SAP25: variants seen among roughly 807,000 people sequenced by gnomAD.
SAP25 encodes the protein histone deacetylase complex subunit SAP25.
Under a neutral mutation model 31.5 loss-of-function variants are expected in SAP25, and 24 were observed. The observed-to-expected ratio is 0.76, with a 90% CI of 0.55 to 1.07. The LOEUF is 1.07. Ranked by LOEUF, SAP25 falls within the 50% of genes least tolerant of loss-of-function variation. The pLI is 0.00. For synonymous variants in SAP25, 180 were observed against 186.0 expected (o/e 0.97, Z 0.26); for missense variants, 377 against 418.8 (o/e 0.90, Z 0.87).
At position 100,572,766 on chromosome 7, in the gene SAP25, C is replaced by A. The variant is rs1440253969; in HGVS notation, c.512-15G>T. ...CACCGGGAACCCTAGGAGGAAACAC[C>A]ACTAGGGTGGCGGGCTGCGGGCTCC... On this transcript the variant is annotated splice_polypyrimidine_tract_variant and intron_variant, in intron 4 of 5. Coordinates refer to ENST00000622764, the MANE Select transcript of SAP25 (RefSeq NM_001348680.2). This position sits in a 1 kb window ranked among gnomAD's most constrained non-coding sequence, Gnocchi z 4.1. The A allele has an allele frequency of 6.6e-7, 1 of 1,524,038 alleles. No homozygotes were observed. Among genetic ancestry groups the A allele is most frequent in the African/African-American group, 1.4e-5 (1 of 71,924 alleles). The allele number at this position is 1,524,038 out of a possible 1,614,324, so 94.4% of individuals were successfully genotyped here. A position where few individuals can be genotyped will look rare whatever the true frequency, so the allele number is the denominator to read the frequency against.
rs61052598 is a variant in SAP25 at position 100,573,575 on chromosome 7, C to A, written c.146+22G>T. ...GAGGCCCCCAGTCGCTGTCCCCCCACGGCTCCGTCCGAGCCCCTCACCTGT... is the reference window on the plus strand; with the variant it reads ...GAGGCCCCCAGTCGCTGTCCCCCCAAGGCTCCGTCCGAGCCCCTCACCTGT... On this transcript the variant is annotated intron_variant, in intron 1 of 5. Transcript: ENST00000622764. The A allele has an allele frequency of 1.4e-3, 1,732 of 1,234,196 alleles. 26 individuals carry two copies. The African/African-American group carries it at 0.025, about 18-fold the overall frequency. 76.5% of individuals were successfully genotyped at this position (1,234,196 alleles called of 1,614,324 possible).
In SAP25 at chr7:100,572,522, C is replaced by T. The variant is rs771035724; in HGVS notation, c.659G>A (p.Arg220Lys). 6.9e-7 allele frequency: 1 copy of T among 1,439,952 alleles called. No homozygotes were observed. The highest frequency in any genetic ancestry group is 9.1e-7 in the Non-Finnish European group (1 of 1,100,090). The allele number at this position is 1,439,952 out of a possible 1,614,324, so 89.2% of individuals were successfully genotyped here. Reference protein sequence around the residue: ...LLPPPPIMSARVLPRPSPSRG... With the variant: ...LLPPPPIMSAKVLPRPSPSRG... ...GGAGGGTGATGGGCGGGGGAGCACC[C>T]TGGCAGACATGATGGGGGGCGGCGG... Residue 220 changes from arginine (R) to lysine (K), a missense_variant, in exon 6 of 6, where the codon AGG becomes AAG. Coordinates refer to ENST00000622764, the MANE Select transcript of SAP25 (RefSeq NM_001348680.2). The surrounding 1 kb of genome is among the most constrained non-coding windows in gnomAD (Gnocchi z 4.1).
Position 100,573,201 on chromosome 7 carries a change from G to T in SAP25, c.262C>A (p.Pro88Thr). 6.6e-7 allele frequency: 1 copy of T among 1,513,718 alleles called. No homozygotes were observed. Among genetic ancestry groups the T allele is most frequent in the Non-Finnish European group, 8.8e-7 (1 of 1,130,486 alleles). 93.8% of individuals were successfully genotyped at this position (1,513,718 alleles called of 1,614,324 possible). A position where few individuals can be genotyped will look rare whatever the true frequency, so the allele number is the denominator to read the frequency against. ...QPPGAPDPRS[P>T]QVAWEVAPSR... ...GGGGCCACCTCCCAGGCCACCTGGGGGGAACGGGGATCTGGGGGGACGCTT... is the reference window on the plus strand; with the variant it reads ...GGGGCCACCTCCCAGGCCACCTGGGTGGAACGGGGATCTGGGGGGACGCTT... The change falls in exon 3 of 6, where the codon CCC becomes ACC. Residue 88 changes from proline to threonine, a missense_variant. Physicochemically the swap from Pro to Thr is conservative, Grantham distance 38. Transcript: ENST00000622764.
rs1350240363 is a variant in SAP25 at position 100,572,895 on chromosome 7, C to G, written c.476G>C (p.Gly159Ala). Residue 159 changes from glycine to alanine, a missense_variant, in exon 4 of 6, where the codon GGG (glycine) becomes GCG (alanine). Coordinates refer to ENST00000622764, the MANE Select transcript of SAP25 (RefSeq NM_001348680.2). This position sits in a 1 kb window ranked among gnomAD's most constrained non-coding sequence, Gnocchi z 4.1. ...GGGCGCCTGCTGTCCATTCCAGTGC[C>G]CTGTGGCAGGGGCCACGGGCCTGAG... The part of the protein sequence containing the change: ...RGLRPVAPAT[G>A]HWNGQQAPPD... 5.5e-6 allele frequency: 8 copies of G among 1,467,584 alleles called. No individual in the cohort carries two copies. The highest frequency in any genetic ancestry group is 7.2e-6 in the Non-Finnish European group (8 of 1,114,270). The allele number at this position is 1,467,584 out of a possible 1,614,324, so 90.9% of individuals were successfully genotyped here.
At chr7:100,573,431 C>T in intron 1 of SAP25, 31 bp from the exon 2 acceptor site, 2 of 1,262,890 alleles carry the variant, frequency 1.6e-6, no homozygotes, top group Non-Finnish European at 2.0e-6. Context: ...GCTGCAGCCA[C>T]ACCGCCCCCA....
At position 100,572,368 on chromosome 7, in the gene SAP25, T is replaced by G; in HGVS notation, c.813A>C (p.Pro271=). The G allele has an allele frequency of 7.3e-7, 1 of 1,369,224 alleles. No homozygotes were observed. The highest frequency in any genetic ancestry group is 1.8e-5 in the South Asian group (1 of 54,884). The allele number at this position is 1,369,224 out of a possible 1,614,324, so 84.8% of individuals were successfully genotyped here. A position where few individuals can be genotyped will look rare whatever the true frequency, so the allele number is the denominator to read the frequency against. The change falls in exon 6 of 6, where the codon CCA becomes CCC. Residue 271 remains proline (P), a synonymous_variant. Coordinates refer to ENST00000622764, the MANE Select transcript of SAP25 (RefSeq NM_001348680.2). This position sits in a 1 kb window ranked among gnomAD's most constrained non-coding sequence, Gnocchi z 4.1. ...AVGPPDHTSD[P]PSPCGSPSSS... ...TGCTGGGGCTACCACAGGGGCTGGGTGGGTCAGAGGTATGGTCTGGGGGGC... is the reference window on the plus strand; with the variant it reads ...TGCTGGGGCTACCACAGGGGCTGGGGGGGTCAGAGGTATGGTCTGGGGGGC...
In SAP25 at chr7:100,573,607, G is replaced by A; in HGVS notation, c.136C>T (p.Pro46Ser). ...GTCCGAGCCCCTCACCTGTCCCATGGGGGTGTCCCCAGCTCCCTGGGGGCG... is the reference window on the plus strand; with the variant it reads ...GTCCGAGCCCCTCACCTGTCCCATGAGGGTGTCCCCAGCTCCCTGGGGGCG... ...ADAPRELGTP[P>S]WDSPQPPSRS... The change falls in exon 1 of 6, where the codon CCA (proline) becomes TCA (serine). Residue 46 changes from proline (P) to serine (S), a missense_variant. Physicochemically the swap from Pro to Ser is moderately conservative, Grantham distance 74. Transcript: ENST00000622764. The A allele has an allele frequency of 7.3e-6, 9 of 1,232,230 alleles. No individual in the cohort carries two copies. The highest frequency in any genetic ancestry group is 9.1e-6 in the Non-Finnish European group (9 of 988,250). The allele number at this position is 1,232,230 out of a possible 1,614,324, so 76.3% of individuals were successfully genotyped here. A position where few individuals can be genotyped will look rare whatever the true frequency, so the allele number is the denominator to read the frequency against.
Position 100,572,288 on chromosome 7 carries a change from T to C in SAP25, c.893A>G (p.Ter298TrpextTer11). 7.6e-7 allele frequency: 1 copy of C among 1,309,438 alleles called. No individual in the cohort carries two copies. The highest frequency in any genetic ancestry group is 9.7e-7 in the Non-Finnish European group (1 of 1,031,560). The allele number at this position is 1,309,438 out of a possible 1,614,324, so 81.1% of individuals were successfully genotyped here. Residue 298 changes from the stop codon to tryptophan (W), a stop_lost, in exon 6 of 6, where the codon TAG becomes TGG. Coordinates refer to ENST00000622764, the MANE Select transcript of SAP25 (RefSeq NM_001348680.2). This position sits in a 1 kb window ranked among gnomAD's most constrained non-coding sequence, Gnocchi z 4.1. ...LPQTPDTHCP[*>W] ...CCAGCCCACTCTGCCCTGAGAAGGC[T>C]ATGGACAATGGGTGTCTGGGGTCTG...
intron 1 of SAP25, 42 bp from the exon 2 acceptor site, chr7:100,573,442 C>A (rs1032546184): frequency 1.6e-6 from 2 of 1,243,618 alleles, no homozygotes; most frequent in Non-Finnish European, 2.1e-6. Context: ...ACCGCCCCCA[C>A]GCACCCTCCC....
Position 100,573,623 on chromosome 7 carries a change from C to A in SAP25, c.120G>T (p.Arg40Ser). The change falls in exon 1 of 6, where the codon AGG becomes AGT. Residue 40 changes from arginine to serine, a missense_variant. Coordinates refer to ENST00000622764, the MANE Select transcript of SAP25 (RefSeq NM_001348680.2). ...TGTCCCATGGGGGTGTCCCCAGCTC[C>A]CTGGGGGCGTCCGCTCCGGCGCTCC... ...EPWSAGADAP[R>S]ELGTPPWDSP... 8.1e-7 allele frequency: 1 copy of A among 1,231,656 alleles called. No individual in the cohort carries two copies. The highest frequency in any genetic ancestry group is 1.0e-6 in the Non-Finnish European group (1 of 987,888). 76.3% of individuals were successfully genotyped at this position (1,231,656 alleles called of 1,614,324 possible). A position where few individuals can be genotyped will look rare whatever the true frequency, so the allele number is the denominator to read the frequency against.
rs1801230955 is a variant in SAP25, at chr7:100,573,717, C to A, written c.26G>T (p.Trp9Leu). 6 of 1,225,098 alleles carry A rather than the reference C, an allele frequency of 4.9e-6. No homozygotes were observed. Among genetic ancestry groups the A allele is most frequent in the Non-Finnish European group, 3.0e-6 (3 of 983,652 alleles). 75.9% of individuals were successfully genotyped at this position (1,225,098 alleles called of 1,614,324 possible). Residue 9 changes from tryptophan to leucine, a missense_variant, in exon 1 of 6, where the codon TGG (tryptophan) becomes TTG (leucine). Trp to Leu is a moderately conservative substitution (Grantham distance 61). Coordinates refer to ENST00000622764, the MANE Select transcript of SAP25 (RefSeq NM_001348680.2). Reference protein sequence around the residue: MLPWSPPRWGAGPEEAPEG... With the variant: MLPWSPPRLGAGPEEAPEG... ...GGGCGCCTCCTCCGGGCCCGCGCCCCACCGCGGCGGCGACCAGGGCAACAT... is the reference window on the plus strand; with the variant it reads ...GGGCGCCTCCTCCGGGCCCGCGCCCAACCGCGGCGGCGACCAGGGCAACAT...
Position 100,573,746 on chromosome 7 carries a change from G to T in SAP25, c.-4C>A, listed in dbSNP as rs1339475436. 4 of 1,214,128 alleles carry T rather than the reference G, an allele frequency of 3.3e-6. No homozygotes were observed. The highest frequency in any genetic ancestry group is 4.1e-6 in the Non-Finnish European group (4 of 976,682). The allele number at this position is 1,214,128 out of a possible 1,614,324, so 75.2% of individuals were successfully genotyped here. ...GCGGCGGCGACCAGGGCAACATTCC[G>T]CGTTCCCGAGCGCAGGACGGTACCG... On this transcript the variant is annotated 5_prime_UTR_variant, in exon 1 of 6. Transcript: ENST00000622764.
rs1220997089 is a variant in SAP25 at position 100,573,846 on chromosome 7, C to G, written c.-104G>C. ...GGCGCGAACGTGCCCTCCTGGCGAA[C>G]CCACCCCAGAGGCCTCGCGGCGACG... On this transcript the variant is annotated 5_prime_UTR_variant, in exon 1 of 6. Transcript: ENST00000622764. The G allele has an allele frequency of 9.7e-7, 1 of 1,026,890 alleles. No individual in the cohort carries two copies. Among genetic ancestry groups the G allele is most frequent in the African/African-American group, 1.7e-5 (1 of 58,290 alleles). 63.6% of individuals were successfully genotyped at this position (1,026,890 alleles called of 1,614,324 possible).
chr7:100,573,312 G>T lies in SAP25; in HGVS notation c.235C>A (p.Pro79Thr). Residue 79 changes from proline (P) to threonine (T), a missense_variant, in exon 2 of 6, where the codon CCC becomes ACC. Transcript: ENST00000622764. ...HHLPGPATEQ[P>T]PGAPDPRSPQ... ...CCTGTCCTACCTGGGGCTCCGGGGG[G>T]CTGCTCAGTGGCCGGGCCTGGCAGG... The T allele has an allele frequency of 7.2e-7, 1 of 1,390,564 alleles. No homozygotes were observed. Among genetic ancestry groups the T allele is most frequent in the Non-Finnish European group, 9.3e-7 (1 of 1,071,634 alleles). 86.1% of individuals were successfully genotyped at this position (1,390,564 alleles called of 1,614,324 possible). A position where few individuals can be genotyped will look rare whatever the true frequency, so the allele number is the denominator to read the frequency against.
At position 100,572,518 on chromosome 7, in the gene SAP25, C is replaced by T. The variant is rs563634954; in HGVS notation, c.663G>A (p.Val221=). 2.1e-6 allele frequency: 3 copies of T among 1,435,444 alleles called. No individual in the cohort carries two copies. In the South Asian group the frequency reaches 4.4e-5, roughly 21 times the overall value. The allele number at this position is 1,435,444 out of a possible 1,614,324, so 88.9% of individuals were successfully genotyped here. Residue 221 remains valine, a synonymous_variant, in exon 6 of 6, where the codon GTG becomes GTA. Transcript: ENST00000622764. The surrounding 1 kb of genome is among the most constrained non-coding windows in gnomAD (Gnocchi z 4.1). ...LPPPPIMSAR[V]LPRPSPSRGP... ...CCCGGGAGGGTGATGGGCGGGGGAG[C>T]ACCCTGGCAGACATGATGGGGGGCG...
At chr7:100,573,464 G>C in intron 1 of SAP25, 64 bp from the exon 2 acceptor site, 1 of 1,242,602 alleles carries the variant, frequency 8.0e-7, no homozygotes, top group Non-Finnish European at 1.0e-6. Flanking sequence ...TGGAGCCCAA[G>C]GGTGCCTGGT....
At chr7:100,573,080 G>A (rs1482975557) in intron 3 of SAP25, 26 bp downstream of exon 3, 1 of 1,529,016 alleles carries the variant, frequency 6.5e-7, no homozygotes, top group East Asian at 2.4e-5. Flanking sequence ...ACCCCAGCCA[G>A]TCCCACAGGT....
At position 100,573,387 on chromosome 7, in the gene SAP25, A is replaced by G; in HGVS notation, c.160T>C (p.Ser54Pro). Reference protein sequence around the residue: ...TPPWDSPQPPSRSPSWIWREQ... With the variant: ...TPPWDSPQPPPRSPSWIWREQ... ...CTCCAGATCCAGGAAGGGCTACGGG[A>G]TGGGGGCTGTGGGCTGGAGGGGCAG... The change falls in exon 2 of 6, where the codon TCC becomes CCC. Residue 54 changes from serine to proline, a missense_variant. Transcript: ENST00000622764. 11 of 1,360,006 alleles carry G rather than the reference A, an allele frequency of 8.1e-6. No individual in the cohort carries two copies. Among genetic ancestry groups the G allele is most frequent in the Non-Finnish European group, 1.0e-5 (11 of 1,054,380 alleles). 84.2% of individuals were successfully genotyped at this position (1,360,006 alleles called of 1,614,324 possible). A position where few individuals can be genotyped will look rare whatever the true frequency, so the allele number is the denominator to read the frequency against.
In SAP25 at chr7:100,573,318, C is replaced by T; in HGVS notation, c.229G>A (p.Glu77Lys). ...CTACCTGGGGCTCCGGGGGGCTGCT[C>T]AGTGGCCGGGCCTGGCAGGTGGTGG... ...LPHHLPGPAT[E>K]QPPGAPDPRS... Residue 77 changes from glutamate (E) to lysine (K), a missense_variant, in exon 2 of 6, where the codon GAG becomes AAG. Transcript: ENST00000622764. 1 of 1,387,794 alleles carries T rather than the reference C, an allele frequency of 7.2e-7. No homozygotes were observed. Among genetic ancestry groups the T allele is most frequent in the Non-Finnish European group, 9.3e-7 (1 of 1,070,406 alleles). 86.0% of individuals were successfully genotyped at this position (1,387,794 alleles called of 1,614,324 possible). A position where few individuals can be genotyped will look rare whatever the true frequency, so the allele number is the denominator to read the frequency against.
Sources: allele counts gnomAD v4.1 joint callset, GRCh38; gene constraint gnomAD v4.1.1; non-coding constraint Gnocchi (gnomAD v3.1); transcripts MANE v1.5; gene names NCBI Gene and HGNC (gene_info 2026-07-23, HGNC 2026-07-21).